PATJ: variants seen among roughly 807,000 people sequenced by gnomAD.
PATJ encodes inaD-like protein.
PATJ carries 190 observed loss-of-function variants against 224.9 expected under a neutral mutation model. The ratio of observed to expected loss-of-function variants is 0.84; its 90% confidence interval spans 0.75 to 0.95. PATJ has a LOEUF of 0.95. PATJ is among the 40% of genes least tolerant of loss of function. The probability of loss-of-function intolerance (pLI) is 0.00; values close to 1 mark genes in which losing one functional copy is unlikely to be tolerated. For missense variants in PATJ, 2,121 were observed against 2,270.3 expected (o/e 0.93, Z 1.34); for synonymous variants, 769 against 820.3 (o/e 0.94, Z 1.07).
At chr1:61,834,552 T>C (rs1659867246) in intron 17 of PATJ, among the ~76,000 whole-genome samples, 4 of 152,158 alleles carry the variant, frequency 2.6e-5, no homozygotes, top group Admixed American at 2.6e-4. Flanking sequence ...AAGAAATCTC[T>C]TAACTTTTAA....
intron 34 of PATJ, among the ~76,000 whole-genome samples, chr1:62,108,897 A>T (rs1364280746): frequency 1.3e-5 from 2 of 152,192 alleles, no homozygotes; most frequent in East Asian, 3.8e-4. Flanking sequence ...TGATATTTTA[A>T]AGATTTTATG....
At chr1:61,981,578 T>TGG (rs1644450206) in intron 27 of PATJ, among the ~76,000 whole-genome samples, 1 of 151,730 alleles carries the variant, frequency 6.6e-6, no homozygotes, top group South Asian at 2.1e-4. Context: ...TGTGTTTTTA[T>TGG]GGACAGTCCT....
Position 62,038,227 on chromosome 1 carries a change from T to C in PATJ, c.4032+178T>C, listed in dbSNP as rs181596851. Among the ~76,000 whole-genome samples the C allele has an allele frequency of 1.9e-3, 285 of 152,344 alleles. 5 individuals are homozygous for C. Among genetic ancestry groups the C allele is most frequent in the Admixed American group, 8.1e-3 (124 of 15,296 alleles). ...AAAGTAACTTTTTAAGTAAATATAT[T>C]AGAACCTAACCATATAAGTATTACC... On this transcript the variant is annotated intron_variant, in intron 30 of 43. Transcript: ENST00000642238.
intron 25 of PATJ, among the ~76,000 whole-genome samples, chr1:61,909,559 A>G (rs759437056): frequency 6.6e-5 from 10 of 151,994 alleles, no homozygotes; most frequent in South Asian, 2.1e-4. Flanking sequence ...TGCAGCCTTT[A>G]TCTCCTGGGC....
intron 9 of PATJ, among the ~76,000 whole-genome samples, chr1:61,794,692 T>C (rs554958522): frequency 9.3e-4 from 141 of 152,096 alleles, no homozygotes; most frequent in African/African-American, 3.2e-3. Flanking sequence ...GTTAAGACCA[T>C]ATGTACTTTT....
intron 17 of PATJ, 52 bp from the exon 18 acceptor site, chr1:61,855,978 C>T: frequency 7.4e-7 from 1 of 1,349,012 alleles, no homozygotes; most frequent in Non-Finnish European, 1.1e-6. Context: ...CCTAAGGCTG[C>T]ATATTTATTT....
chr1:61,748,503 G>A (rs1332557880), intron 1 of PATJ, among the ~76,000 whole-genome samples: 3 of 151,624 alleles, frequency 2.0e-5, no homozygotes, highest in Non-Finnish European at 4.4e-5. Flanking sequence ...TGATACGCCC[G>A]CCTCAGCCTC....
At chr1:62,024,598 A>C (rs74079631) in intron 29 of PATJ, among the ~76,000 whole-genome samples, 3,395 of 150,800 alleles carry the variant, frequency 0.023, 80 homozygotes, top group African/African-American at 0.056. Flanking sequence ...GTCAATATTT[A>C]TACTATTTGC....
intron 29 of PATJ, among the ~76,000 whole-genome samples, chr1:62,022,982 G>A (rs1558054202): frequency 1.3e-5 from 2 of 152,084 alleles, no homozygotes; most frequent in South Asian, 2.1e-4. Context: ...GAAGCAACTC[G>A]GATGCCTATT....
At chr1:61,746,333 C>G (rs1392548615) in intron 1 of PATJ, among the ~76,000 whole-genome samples, 2 of 152,210 alleles carry the variant, frequency 1.3e-5, no homozygotes, top group Non-Finnish European at 2.9e-5. Context: ...CCGATTTGGC[C>G]TGTGAAAGTG....
intron 39 of PATJ, among the ~76,000 whole-genome samples, chr1:62,126,629 T>C (rs929384598): frequency 2.0e-5 from 3 of 152,240 alleles, no homozygotes; most frequent in Non-Finnish European, 4.4e-5. Flanking sequence ...TTCAGCCACA[T>C]TTTATGTCTG....
intron 34 of PATJ, 140 bp downstream of exon 34, chr1:62,108,660 T>C: frequency 2.0e-6 from 1 of 505,562 alleles, no homozygotes; most frequent in Non-Finnish European, 3.5e-6. Flanking sequence ...ATTCTTTTTT[T>C]CTTCAGTGTA....
At chr1:61,959,277 T>A (rs1680882221) in intron 27 of PATJ, among the ~76,000 whole-genome samples, 1 of 151,798 alleles carries the variant, frequency 6.6e-6, no homozygotes, top group Non-Finnish European at 1.5e-5. Context: ...TAAATATGTA[T>A]AACATCTTAT....
intron 32 of PATJ, among the ~76,000 whole-genome samples, chr1:62,080,186 G>T (rs1017379020): frequency 6.6e-6 from 1 of 152,146 alleles, no homozygotes; most frequent in Non-Finnish European, 1.5e-5. Context: ...CCCTGCAAAT[G>T]TTGCTTTAAG....
chr1:61,913,300 T>C (rs1197372196), intron 25 of PATJ, among the ~76,000 whole-genome samples: 4 of 152,274 alleles, frequency 2.6e-5, no homozygotes, highest in East Asian at 3.9e-4. Context: ...AGTGGTGCAA[T>C]TGTGGCTCAC....
chr1:61,901,327 T>A lies in PATJ; in HGVS notation c.3249T>A (p.Ile1083=). ...CCAATGTGTCTCTTGGGATCAGTAT[T>A]GTTGGTGGACAAACTGTTATAAAAC... The part of the protein sequence containing the change: ...REPNVSLGIS[I]VGGQTVIKRL... Residue 1083 remains isoleucine, a synonymous_variant, in exon 24 of 44, where the codon ATT becomes ATA. Transcript: ENST00000642238. 6.3e-7 allele frequency: 1 copy of A among 1,575,606 alleles called. No individual in the cohort carries two copies.
intron 41 of PATJ, among the ~76,000 whole-genome samples, chr1:62,132,126 G>T (rs566335806): frequency 1.3e-5 from 2 of 152,302 alleles, no homozygotes; most frequent in South Asian, 4.2e-4. Flanking sequence ...GGGAGTACAG[G>T]CATGAGCCAC....
At chr1:61,796,724 T>C (rs71494220) in intron 10 of PATJ, among the ~76,000 whole-genome samples, 3,291 of 51,758 alleles carry the variant, frequency 0.064, 32 homozygotes, top group Admixed American at 0.083. Flanking sequence ...CTTTCTTTCT[T>C]TTTCTTTCTT....
At chr1:61,810,465 G>A (rs1277228063) in intron 14 of PATJ, among the ~76,000 whole-genome samples, 3 of 152,048 alleles carry the variant, frequency 2.0e-5, no homozygotes, top group South Asian at 2.1e-4. Context: ...TTGGGAGGCC[G>A]AGGCGGGCAG....
Sources: allele counts gnomAD v4.1 joint callset (sites outside exome capture counted in the v4.1 genomes callset), GRCh38; gene constraint gnomAD v4.1.1; transcripts MANE v1.5; gene names NCBI Gene and HGNC (gene_info 2026-07-23, HGNC 2026-07-21).